Variants in ZFYVE28 observed in about 807,000 individuals in gnomAD.
ZFYVE28 encodes the protein lateral signaling target protein 2 homolog.
In ZFYVE28, 40 loss-of-function variants were observed where a neutral mutation model predicts 82.1. The ratio of observed to expected loss-of-function variants is 0.49; its 90% confidence interval spans 0.38 to 0.63. The LOEUF is 0.63. Among genes scored for constraint, ZFYVE28 ranks in the 30% least tolerant of loss-of-function variants. ZFYVE28 has a pLI of 0.00. For synonymous variants in ZFYVE28, 612 were observed against 546.1 expected, an observed-to-expected ratio of 1.12 and a Z score of -1.68; for missense variants, 1,321 against 1,242.1, an observed-to-expected ratio of 1.06 and a Z score of -0.96.
At chr4:2,365,316 T>C (rs1190384809) in intron 1 of ZFYVE28, among the ~76,000 whole-genome samples, 3 of 151,858 alleles carry the variant, frequency 2.0e-5, no homozygotes, top group Non-Finnish European at 2.9e-5. Context: ...CGCCTGTCAC[T>C]CGAGCCTGGA....
chr4:2,373,609 C>G (rs189690874), intron 1 of ZFYVE28, among the ~76,000 whole-genome samples: 13 of 152,284 alleles, frequency 8.5e-5, no homozygotes, highest in African/African-American at 3.1e-4. Flanking sequence ...CTGTGTGAAC[C>G]TGAGAACACA....
In ZFYVE28 at chr4:2,270,667, G is replaced by GC; in HGVS notation, c.*57dup. Reference sequence around the variant, plus strand: ...CGCAGTGAGACCTGCCTGCAGCGTGGCCCCACCTTCCTGGGGGTTCCTGGC... The same window carrying GC: ...CGCAGTGAGACCTGCCTGCAGCGTGGCCCCCACCTTCCTGGGGGTTCCTGGC... On this transcript the variant is annotated 3_prime_UTR_variant, in exon 13 of 13. Transcript: ENST00000290974. 6.2e-7 allele frequency: 1 copy of GC among 1,607,902 alleles called. No homozygotes were observed.
At chr4:2,385,517 C>T (rs1311834734) in intron 1 of ZFYVE28, among the ~76,000 whole-genome samples, 1 of 152,234 alleles carries the variant, frequency 6.6e-6, no homozygotes, top group African/African-American at 2.4e-5. Flanking sequence ...TGAGCAACGC[C>T]AAGCAGCAAA....
Position 2,273,246 on chromosome 4 carries a change from T to A in ZFYVE28, c.2250A>T (p.Arg750Ser). The A allele has an allele frequency of 6.2e-7, 1 of 1,613,668 alleles. No homozygotes were observed. The change falls in exon 10 of 13, where the codon AGA becomes AGT. Residue 750 changes from arginine to serine, a missense_variant. Coordinates refer to ENST00000290974, the MANE Select transcript of ZFYVE28 (RefSeq NM_020972.3). Reference protein sequence around the residue: ...QLQTNYASDLRSILKTLFEVM... With the variant: ...QLQTNYASDLSSILKTLFEVM... Reference sequence around the variant, plus strand: ...CCTCAAACAGTGTTTTAAGAATACTTCTCAGGTCACTGGCATAGTTCGTCT... The same window carrying A: ...CCTCAAACAGTGTTTTAAGAATACTACTCAGGTCACTGGCATAGTTCGTCT...
Position 2,397,996 on chromosome 4 carries a change from A to G in ZFYVE28, c.39+20289T>C, listed in dbSNP as rs796843105. On this transcript the variant is annotated intron_variant, in intron 1 of 12. Coordinates refer to ENST00000290974, the MANE Select transcript of ZFYVE28 (RefSeq NM_020972.3). ...CAGGCACCCATAGAAACAGAGATGGAGGAGAATGGAGGGGGCGGGGTGGGG... is the reference window on the plus strand; with the variant it reads ...CAGGCACCCATAGAAACAGAGATGGGGGAGAATGGAGGGGGCGGGGTGGGG... Among the ~76,000 whole-genome samples the G allele has an allele frequency of 1.0e-4, 7 of 70,010 alleles. No individual in the cohort carries two copies. In the East Asian group the frequency reaches 2.8e-3, roughly 28 times the overall value. The allele number at this position is 70,010 out of a possible 152,430, so 45.9% of individuals were successfully genotyped here.
rs779826543 is a variant in ZFYVE28 at position 2,339,532 on chromosome 4, G to A, written c.442C>T (p.Arg148Trp). Reference sequence around the variant, plus strand: ...TTCTCTGTGTAGGTGTTCAGGTCCCGCAGCGCCTGGTCACGGAGGGCGCCC... The same window carrying A: ...TTCTCTGTGTAGGTGTTCAGGTCCCACAGCGCCTGGTCACGGAGGGCGCCC... ...VRGALRDQAL[R>W]DLNTYTEKMR... Residue 148 changes from arginine (R) to tryptophan (W), a missense_variant, in exon 4 of 13, where the codon CGG becomes TGG. Physicochemically the swap from Arg to Trp is moderately radical, Grantham distance 101. This residue lies in a region of ZFYVE28 where 343 missense variants were observed against 408.4 expected (regional missense o/e 0.84). Transcript: ENST00000290974. The surrounding 1 kb of genome is among the most constrained non-coding windows in gnomAD (Gnocchi z 5.0). The A allele has an allele frequency of 3.4e-5, 55 of 1,613,580 alleles. No individual in the cohort carries two copies. Among genetic ancestry groups the A allele is most frequent in the East Asian group, 2.2e-4 (10 of 44,864 alleles).
intron 8 of ZFYVE28, among the ~76,000 whole-genome samples, chr4:2,276,519 C>T (rs758036650): frequency 5.9e-5 from 9 of 152,322 alleles, no homozygotes; most frequent in Non-Finnish European, 1.0e-4. Context: ...GATACTTGCA[C>T]GCCCACGTTC....
rs144071476 is a variant in ZFYVE28, at chr4:2,354,063, G to A, written c.50C>T (p.Pro17Leu). ...ATAGTAGAACCGGGCAAGCAGCTGC[G>A]GATCCGACCTCTGCAGGAGAGAGGG... is the stretch of plus-strand genomic sequence containing the variant. ...KWLYKPKRSD[P>L]QLLARFYYAD... The change falls in exon 2 of 13, where the codon CCG becomes CTG. Residue 17 changes from proline (P) to leucine (L), a missense_variant. Coordinates refer to ENST00000290974, the MANE Select transcript of ZFYVE28 (RefSeq NM_020972.3). 60 of 1,564,448 alleles carry A rather than the reference G, an allele frequency of 3.8e-5. No individual in the cohort carries two copies. The highest frequency in any genetic ancestry group is 1.7e-4 in the Middle Eastern group (1 of 5,930).
chr4:2,308,376 G>T (rs547300464), intron 7 of ZFYVE28, among the ~76,000 whole-genome samples: 1 of 151,962 alleles, frequency 6.6e-6, no homozygotes, highest in South Asian at 2.1e-4. Flanking sequence ...AGCACTATTT[G>T]TGGAAACTAC....
Position 2,372,683 on chromosome 4 carries a change from C to T in ZFYVE28, c.40-18610G>A, listed in dbSNP as rs920589959. On this transcript the variant is annotated intron_variant, in intron 1 of 12. Transcript: ENST00000290974. This position sits in a 1 kb window ranked among gnomAD's most constrained non-coding sequence, Gnocchi z 5.2. ...CACGGGTGGGCACTGGCTGTCACTC[C>T]CTCCGCAGAGGCAGGGGCAGGCACT... Among the ~76,000 whole-genome samples, 1 of 152,134 alleles carries T rather than the reference C, an allele frequency of 6.6e-6. No individual in the cohort carries two copies. The highest frequency in any genetic ancestry group is 2.4e-5 in the African/African-American group (1 of 41,418).
At chr4:2,360,018 G>A (rs186545722) in intron 1 of ZFYVE28, among the ~76,000 whole-genome samples, 158 of 152,204 alleles carry the variant, frequency 1.0e-3, no homozygotes, top group Non-Finnish European at 1.7e-3. Flanking sequence ...CCGGACAAGC[G>A]CACGGCGTCT....
chr4:2,368,590 A>G lies in ZFYVE28; in HGVS notation c.40-14517T>C, dbSNP rs143760491. On this transcript the variant is annotated intron_variant, in intron 1 of 12. Coordinates refer to ENST00000290974, the MANE Select transcript of ZFYVE28 (RefSeq NM_020972.3). Reference sequence around the variant, plus strand: ...TTTCCTGTGCATAGAATCATACGAAATGGGGCATTTTGTGTCTGTTACTGT... The same window carrying G: ...TTTCCTGTGCATAGAATCATACGAAGTGGGGCATTTTGTGTCTGTTACTGT... 4.6e-3 allele frequency among the ~76,000 whole-genome samples: 698 copies of G among 152,314 alleles called. 7 individuals carry two copies. Among genetic ancestry groups the G allele is most frequent in the Non-Finnish European group, 5.6e-3 (381 of 68,028 alleles).
intron 8 of ZFYVE28, among the ~76,000 whole-genome samples, chr4:2,301,006 C>T (rs1037445758): frequency 6.6e-6 from 1 of 152,198 alleles, no homozygotes; most frequent in South Asian, 2.1e-4. Flanking sequence ...TGCACACGAC[C>T]GGCCTCGCAC....
chr4:2,389,640 T>C (rs1729622478), intron 1 of ZFYVE28, among the ~76,000 whole-genome samples: 1 of 152,204 alleles, frequency 6.6e-6, no homozygotes, highest in African/African-American at 2.4e-5. Flanking sequence ...AGCCCTGCGT[T>C]GGAAGCATCC....
Position 2,270,408 on chromosome 4 carries a change from G to C in ZFYVE28, c.*317C>G. 1 of 404,826 alleles carries C rather than the reference G, an allele frequency of 2.5e-6. No homozygotes were observed. The highest frequency in any genetic ancestry group is 4.6e-6 in the Non-Finnish European group (1 of 216,992). 25.1% of individuals were successfully genotyped at this position (404,826 alleles called of 1,614,324 possible). ...TCCATCACCCGCCCCGATTCCCATA[G>C]CCCCAGCAGATCTCCGAGGGACCAG... is the stretch of plus-strand genomic sequence containing the variant. On this transcript the variant is annotated 3_prime_UTR_variant, in exon 13 of 13. Coordinates refer to ENST00000290974, the MANE Select transcript of ZFYVE28 (RefSeq NM_020972.3).
rs1328362782 is a variant in ZFYVE28, at chr4:2,408,113, G to T, written c.39+10172C>A. 6.6e-6 allele frequency among the ~76,000 whole-genome samples: 1 copy of T among 150,984 alleles called. No homozygotes were observed. The highest frequency in any genetic ancestry group is 1.5e-5 in the Non-Finnish European group (1 of 67,662). ...CCTATGGGGCTTTCCTGGCCCCCTGGCCTCCAGGCCTCAAGGCCACAGATT... is the reference window on the plus strand; with the variant it reads ...CCTATGGGGCTTTCCTGGCCCCCTGTCCTCCAGGCCTCAAGGCCACAGATT... On this transcript the variant is annotated intron_variant, in intron 1 of 12. Transcript: ENST00000290974. This position sits in a 1 kb window ranked among gnomAD's most constrained non-coding sequence, Gnocchi z 4.3.
chr4:2,319,127 A>AC (rs1279442331), intron 7 of ZFYVE28: 2 of 151,932 alleles, frequency 1.3e-5, no homozygotes, highest in African/African-American at 4.9e-5. Flanking sequence ...TTCCTGTAAG[A>AC]CCCCCATATG....
intron 12 of ZFYVE28, 52 bp from the exon 13 acceptor site, chr4:2,270,908 C>T (rs770599551): frequency 6.3e-7 from 1 of 1,576,392 alleles, no homozygotes; most frequent in African/African-American, 1.3e-5. Flanking sequence ...CCCCACCCAC[C>T]CTGGCTCCTC....
rs538652341 is a variant in ZFYVE28, at chr4:2,363,448, G to A, written c.40-9375C>T. ...TTGCTTCTTTCTCCCTGGAAGCAGG[G>A]TGTCCTTCAAAGCTTTGCCCTGGGG... On this transcript the variant is annotated intron_variant, in intron 1 of 12. Transcript: ENST00000290974. 8.8e-4 allele frequency among the ~76,000 whole-genome samples: 134 copies of A among 152,226 alleles called. 1 individual carries two copies. The highest frequency in any genetic ancestry group is 6.2e-4 in the South Asian group (3 of 4,828).
Sources: allele counts gnomAD v4.1 joint callset (sites outside exome capture counted in the v4.1 genomes callset), GRCh38; gene constraint gnomAD v4.1.1; regional missense constraint gnomAD v4.1.1; non-coding constraint Gnocchi (gnomAD v3.1); transcripts MANE v1.5; gene names NCBI Gene and HGNC (gene_info 2026-07-23, HGNC 2026-07-21).